INSYN2B: variants seen among roughly 807,000 people sequenced by gnomAD.
INSYN2B encodes the protein protein INSYN2B.
In INSYN2B, 16 loss-of-function variants were observed where a neutral mutation model predicts 41.2. That is an observed-to-expected ratio of 0.39 (90% confidence interval 0.26 to 0.59). The LOEUF (loss-of-function observed/expected upper bound fraction) is 0.59, where lower values mean the gene tolerates loss of function less well. Among genes scored for constraint, INSYN2B ranks in the 20% least tolerant of loss-of-function variants. The probability of loss-of-function intolerance (pLI) is 0.57; values close to 1 mark genes in which losing one functional copy is unlikely to be tolerated. For synonymous variants in INSYN2B, 245 were observed against 244.4 expected, an observed-to-expected ratio of 1.00 and a Z score of -0.02; for missense variants, 608 against 646.4, an observed-to-expected ratio of 0.94 and a Z score of 0.64.
chr5:169,957,667 A>G (rs1776923012), intron 1 of INSYN2B, among the ~76,000 whole-genome samples: 1 of 152,096 alleles, frequency 6.6e-6, no homozygotes, highest in Non-Finnish European at 1.5e-5. Context: ...AAGCCTCAGG[A>G]ATATTTGGAA....
intron 1 of INSYN2B, among the ~76,000 whole-genome samples, chr5:169,898,634 A>G (rs1000816216): frequency 6.6e-6 from 1 of 152,194 alleles, no homozygotes; most frequent in African/African-American, 2.4e-5. Context: ...TATCTTATCT[A>G]CTATATCAGG....
intron 1 of INSYN2B, among the ~76,000 whole-genome samples, chr5:169,925,988 G>A (rs1367280369): frequency 6.6e-6 from 1 of 152,152 alleles, no homozygotes; most frequent in Non-Finnish European, 1.5e-5. Flanking sequence ...GTGCCCAGGA[G>A]CTCGCAACAC....
rs1403303615 is a variant in INSYN2B at position 169,863,885 on chromosome 5, T to G, written c.*388A>C. Among the ~76,000 whole-genome samples, 1 of 152,186 alleles carries G rather than the reference T, an allele frequency of 6.6e-6. No individual in the cohort carries two copies. The highest frequency in any genetic ancestry group is 6.5e-5 in the Admixed American group (1 of 15,288). On this transcript the variant is annotated 3_prime_UTR_variant, in exon 4 of 4. Coordinates refer to ENST00000377365, the MANE Select transcript of INSYN2B (RefSeq NM_001129891.3). ...ACCTTCCGGGTCTGCACAACACTAT[T>G]TTTTTCTTTTGGGTTTATGAACCCA...
intron 1 of INSYN2B, among the ~76,000 whole-genome samples, chr5:169,906,504 A>G (rs1774291123): frequency 6.6e-6 from 1 of 151,964 alleles, no homozygotes; most frequent in African/African-American, 2.4e-5. Flanking sequence ...ATGTTATTTC[A>G]TTTTATTTGT....
chr5:169,883,535 C>T lies in INSYN2B; in HGVS notation c.364G>A (p.Val122Met). Reference protein sequence around the residue: ...RKRLTASKSLVEMPTASQSAI... With the variant: ...RKRLTASKSLMEMPTASQSAI... The stretch of plus-strand genomic sequence containing the variant: ...CTTTGGGAGGCTGTTGGCATTTCCA[C>T]CAGGGACTTACTGGCTGTGAGTCTC... Residue 122 changes from valine (V) to methionine (M), a missense_variant, in exon 2 of 4, where the codon GTG becomes ATG. Physicochemically the swap from Val to Met is conservative, Grantham distance 21. Coordinates refer to ENST00000377365, the MANE Select transcript of INSYN2B (RefSeq NM_001129891.3). 3.2e-6 allele frequency: 5 copies of T among 1,551,624 alleles called. No homozygotes were observed. The highest frequency in any genetic ancestry group is 4.4e-6 in the Non-Finnish European group (5 of 1,146,954).
intron 1 of INSYN2B, among the ~76,000 whole-genome samples, chr5:169,894,268 C>T (rs1410546479): frequency 6.6e-6 from 1 of 152,194 alleles, no homozygotes; most frequent in Non-Finnish European, 1.5e-5. Flanking sequence ...ACCAAAAGGA[C>T]AGCAGAAATT....
At chr5:169,942,116 G>A (rs1776267076) in intron 1 of INSYN2B, among the ~76,000 whole-genome samples, 1 of 152,176 alleles carries the variant, frequency 6.6e-6, no homozygotes, top group African/African-American at 2.4e-5. Context: ...CCTTTTCCAA[G>A]GTATCAGGAA....
chr5:169,930,136 G>A (rs1056883326), intron 1 of INSYN2B, among the ~76,000 whole-genome samples: 1 of 152,110 alleles, frequency 6.6e-6, no homozygotes, highest in African/African-American at 2.4e-5. Context: ...GACTACAGGT[G>A]CATTCCACCA....
chr5:169,935,765 T>C (rs769887725), intron 1 of INSYN2B, among the ~76,000 whole-genome samples: 7 of 152,144 alleles, frequency 4.6e-5, no homozygotes, highest in Non-Finnish European at 8.8e-5. Flanking sequence ...ACTGACTTCA[T>C]AGGAGAAAAA....
At chr5:169,946,880 A>G (rs1011452116) in intron 1 of INSYN2B, among the ~76,000 whole-genome samples, 1 of 152,216 alleles carries the variant, frequency 6.6e-6, no homozygotes, top group Non-Finnish European at 1.5e-5. Context: ...GGAGCCAGCT[A>G]TGCAAAGATC....
chr5:169,960,686 C>G (rs1259320261), intron 1 of INSYN2B, among the ~76,000 whole-genome samples: 1 of 152,150 alleles, frequency 6.6e-6, no homozygotes, highest in Non-Finnish European at 1.5e-5. Flanking sequence ...ATTGTTGTCC[C>G]CTCCTCCCAC....
chr5:169,927,941 A>T lies in INSYN2B; in HGVS notation c.-918-43125T>A, dbSNP rs544387992. The stretch of plus-strand genomic sequence containing the variant: ...CGAAAAATTCTTTATTCAGGGCTGG[A>T]TGATGAGATGGTATAACCAGCAGGA... On this transcript the variant is annotated intron_variant, in intron 1 of 3. Transcript: ENST00000377365. Among the ~76,000 whole-genome samples the T allele has an allele frequency of 2.0e-5, 3 of 152,284 alleles. No individual in the cohort carries two copies. The East Asian group carries it at 5.8e-4, about 29-fold the overall frequency.
At chr5:169,888,829 C>T (rs1773123440) in intron 1 of INSYN2B, among the ~76,000 whole-genome samples, 1 of 152,218 alleles carries the variant, frequency 6.6e-6, no homozygotes. Context: ...CCATGAGACA[C>T]TTGTGAATTT....
At chr5:169,976,113 T>C (rs1413723162) in intron 1 of INSYN2B, among the ~76,000 whole-genome samples, 1 of 152,206 alleles carries the variant, frequency 6.6e-6, no homozygotes, top group Non-Finnish European at 1.5e-5. Flanking sequence ...AATTCTATAA[T>C]AAATTCAATC....
rs144552266 is a variant in INSYN2B at position 169,862,186 on chromosome 5, G to A, written c.*2087C>T. 6.6e-6 allele frequency among the ~76,000 whole-genome samples: 1 copy of A among 152,192 alleles called. No homozygotes were observed. The highest frequency in any genetic ancestry group is 2.4e-5 in the African/African-American group (1 of 41,456). On this transcript the variant is annotated 3_prime_UTR_variant, in exon 4 of 4. Coordinates refer to ENST00000377365, the MANE Select transcript of INSYN2B (RefSeq NM_001129891.3). ...GAACGTGCTAAGAGTTTATAAAGTA[G>A]GAAAGCATATGTTCTTATCTGTATT...
intron 1 of INSYN2B, among the ~76,000 whole-genome samples, chr5:169,895,064 G>T (rs1306944828): frequency 6.6e-6 from 1 of 152,072 alleles, no homozygotes; most frequent in Non-Finnish European, 1.5e-5. Context: ...TGCATTCTGG[G>T]ACTTAGGCTC....
chr5:169,877,260 G>A (rs368361506), intron 3 of INSYN2B, among the ~76,000 whole-genome samples: 5 of 152,338 alleles, frequency 3.3e-5, no homozygotes, highest in African/African-American at 7.2e-5. Context: ...ATTGTTTAGC[G>A]GGGGAGTGAC....
At chr5:169,930,643 C>T (rs1218851281) in intron 1 of INSYN2B, among the ~76,000 whole-genome samples, 4 of 152,180 alleles carry the variant, frequency 2.6e-5, no homozygotes, top group East Asian at 1.9e-4. Flanking sequence ...GGATGAGCTG[C>T]GGCTGACAGG....
chr5:169,955,711 A>G (rs1776839147), intron 1 of INSYN2B, among the ~76,000 whole-genome samples: 2 of 152,180 alleles, frequency 1.3e-5, no homozygotes. Flanking sequence ...TTACAGAGAC[A>G]TTCTTTAACC....
Sources: gnomAD v4.1 joint callset for allele counts (sites outside exome capture counted in the v4.1 genomes callset) on GRCh38, gnomAD v4.1.1 for gene constraint, MANE v1.5 for transcripts, NCBI Gene and HGNC (gene_info 2026-07-23, HGNC 2026-07-21) for gene names.